Variants in ADGRD1 observed in about 807,000 individuals in gnomAD.
The protein encoded by ADGRD1 is adhesion G protein-coupled receptor D1, also known as G-protein coupled receptor 133.
A neutral mutation model predicts 113.4 loss-of-function variants in ADGRD1; 77 were observed. The observed-to-expected ratio is 0.68, with a 90% CI of 0.57 to 0.82. The LOEUF (loss-of-function observed/expected upper bound fraction) is 0.82, where lower values mean the gene tolerates loss of function less well. Among genes scored for constraint, ADGRD1 ranks in the 40% least tolerant of loss-of-function variants. The pLI, the probability that ADGRD1 is intolerant of heterozygous loss-of-function variation, is 0.00. For missense variants in ADGRD1, 1,036 were observed against 1,139.1 expected (o/e 0.91, Z 1.30); for synonymous variants, 474 against 475.0 (o/e 1.00, Z 0.03).
At chr12:130,985,531 T>C (rs552587910) in intron 5 of ADGRD1, among the ~76,000 whole-genome samples, 1 of 147,844 alleles carries the variant, frequency 6.8e-6, no homozygotes, top group South Asian at 2.2e-4. Context: ...TGAATTAATT[T>C]TTATGACAGG....
chr12:131,017,772 ACACT>A (rs988165560), intron 13 of ADGRD1, among the ~76,000 whole-genome samples: 1 of 149,360 alleles, frequency 6.7e-6, no homozygotes, highest in Non-Finnish European at 1.5e-5. Flanking sequence ...CAGTGCTCAC[ACACT>A]CAGTACACAC....
intron 22 of ADGRD1, among the ~76,000 whole-genome samples, chr12:131,136,631 C>T (rs1481451926): frequency 1.3e-5 from 2 of 152,242 alleles, no homozygotes; most frequent in Non-Finnish European, 2.9e-5. Context: ...TCCCAGCCCT[C>T]CCTGGGCTAC....
chr12:131,053,887 C>T (rs1883626341), intron 13 of ADGRD1, among the ~76,000 whole-genome samples: 1 of 152,202 alleles, frequency 6.6e-6, no homozygotes, highest in African/African-American at 2.4e-5. Context: ...TCTTGCCACC[C>T]TCACTGGTGT....
chr12:131,040,768 T>C (rs1476375958), intron 13 of ADGRD1, among the ~76,000 whole-genome samples: 4 of 152,228 alleles, frequency 2.6e-5, no homozygotes, highest in Non-Finnish European at 5.9e-5. Context: ...CATGCGACAG[T>C]CATTTGGGAA....
intron 3 of ADGRD1, chr12:130,967,462 C>G (rs977167068): frequency 6.3e-6 from 1 of 158,640 alleles, no homozygotes; most frequent in Non-Finnish European, 1.4e-5. Context: ...TTGATCATGT[C>G]AGATGGCTGA....
intron 13 of ADGRD1, among the ~76,000 whole-genome samples, chr12:131,052,462 C>T (rs989859081): frequency 6.6e-6 from 1 of 152,240 alleles, no homozygotes; most frequent in Non-Finnish European, 1.5e-5. Flanking sequence ...TCTGTTCTTC[C>T]TGAGGGCTCT....
chr12:131,048,866 G>C (rs1202712720), intron 13 of ADGRD1, among the ~76,000 whole-genome samples: 6 of 152,100 alleles, frequency 3.9e-5, no homozygotes, highest in African/African-American at 1.4e-4. Context: ...GCAGGGAAAG[G>C]GCCTCCAGCT....
intron 15 of ADGRD1, among the ~76,000 whole-genome samples, chr12:131,086,203 G>A (rs1299142159): frequency 6.6e-6 from 1 of 152,200 alleles, no homozygotes; most frequent in Non-Finnish European, 1.5e-5. Context: ...ATGCTGCCCC[G>A]CGTGTCCTGC....
intron 13 of ADGRD1, among the ~76,000 whole-genome samples, chr12:131,065,969 C>G (rs1051373366): frequency 5.9e-5 from 9 of 152,004 alleles, no homozygotes; most frequent in Non-Finnish European, 1.0e-4. Flanking sequence ...TTTGAGCTGC[C>G]CAGTCCCTGT....
chr12:131,050,023 T>C lies in ADGRD1; in HGVS notation c.1474-26778T>C, dbSNP rs819113. On this transcript the variant is annotated intron_variant, in intron 13 of 24. Coordinates refer to ENST00000261654, the MANE Select transcript of ADGRD1 (RefSeq NM_198827.5). The surrounding 1 kb of genome is among the most constrained non-coding windows in gnomAD (Gnocchi z 4.8). ...AGTCCTCTGCCTGGGCTTGGCCCTCTACCTGGGAAACTGGGCACGAATGCT... is the reference window on the plus strand; with the variant it reads ...AGTCCTCTGCCTGGGCTTGGCCCTCCACCTGGGAAACTGGGCACGAATGCT... 6.6e-6 allele frequency among the ~76,000 whole-genome samples: 1 copy of C among 152,232 alleles called. No individual in the cohort carries two copies. The highest frequency in any genetic ancestry group is 1.9e-4 in the East Asian group (1 of 5,194).
At chr12:130,972,762 C>G (rs1200364113) in intron 4 of ADGRD1, among the ~76,000 whole-genome samples, 1 of 152,024 alleles carries the variant, frequency 6.6e-6, no homozygotes, top group Non-Finnish European at 1.5e-5. Context: ...TTCTAGAGAA[C>G]GGCTTCTCTT....
At chr12:131,126,234 A>G (rs1368007458) in intron 20 of ADGRD1, among the ~76,000 whole-genome samples, 1 of 152,160 alleles carries the variant, frequency 6.6e-6, no homozygotes, top group African/African-American at 2.4e-5. Context: ...GAGTGGTTTC[A>G]TTATTGAACG....
intron 15 of ADGRD1, among the ~76,000 whole-genome samples, chr12:131,092,440 A>T (rs542365204): frequency 1.3e-5 from 2 of 152,306 alleles, no homozygotes; most frequent in Admixed American, 6.5e-5. Flanking sequence ...CCCGATATTG[A>T]TAGACAGTCC....
intron 13 of ADGRD1, among the ~76,000 whole-genome samples, chr12:131,036,202 GGGGTCTTAACCACTGCACC>G (rs1881351636): frequency 6.6e-6 from 1 of 152,008 alleles, no homozygotes; most frequent in Non-Finnish European, 1.5e-5. Flanking sequence ...CACGGGAGGC[GGGGTCTTAACCACTGCACC>G]GGGTCTTACT....
chr12:131,043,898 C>T (rs890541196), intron 13 of ADGRD1, among the ~76,000 whole-genome samples: 2 of 152,174 alleles, frequency 1.3e-5, no homozygotes, highest in African/African-American at 2.4e-5. Flanking sequence ...GTGGGAAGTG[C>T]ACCTGTTCCC....
intron 4 of ADGRD1, among the ~76,000 whole-genome samples, chr12:130,979,104 G>T (rs141596031): frequency 6.6e-6 from 1 of 152,210 alleles, no homozygotes; most frequent in African/African-American, 2.4e-5. Flanking sequence ...GGACACCAGC[G>T]TCAGCTGCCC....
At chr12:131,049,050 G>A (rs1883124102) in intron 13 of ADGRD1, among the ~76,000 whole-genome samples, 1 of 152,228 alleles carries the variant, frequency 6.6e-6, no homozygotes, top group East Asian at 1.9e-4. Flanking sequence ...GGCCGAGGAA[G>A]GGAGTTTGGA....
At chr12:131,045,600 C>T (rs1266956499) in intron 13 of ADGRD1, among the ~76,000 whole-genome samples, 1 of 152,070 alleles carries the variant, frequency 6.6e-6, no homozygotes, top group African/African-American at 2.4e-5. Context: ...CCCATGCCCA[C>T]CGGGTTCCTT....
At position 130,984,446 on chromosome 12, in the gene ADGRD1, C is replaced by G. The variant is rs1254184950; in HGVS notation, c.490+2383C>G. Among the ~76,000 whole-genome samples, 1 of 152,136 alleles carries G rather than the reference C, an allele frequency of 6.6e-6. No individual in the cohort carries two copies. The highest frequency in any genetic ancestry group is 1.5e-5 in the Non-Finnish European group (1 of 68,038). On this transcript the variant is annotated intron_variant, in intron 5 of 24. Coordinates refer to ENST00000261654, the MANE Select transcript of ADGRD1 (RefSeq NM_198827.5). This position sits in a 1 kb window ranked among gnomAD's most constrained non-coding sequence, Gnocchi z 4.1. ...TGGGTTGGTGGGCGCCATGGAGTGC[C>G]TGTATTGCTGTTAGATTTTAATAGA...
Sources: allele counts gnomAD v4.1 joint callset (sites outside exome capture counted in the v4.1 genomes callset), GRCh38; gene constraint gnomAD v4.1.1; non-coding constraint Gnocchi (gnomAD v3.1); transcripts MANE v1.5; gene names NCBI Gene and HGNC (gene_info 2026-07-23, HGNC 2026-07-21).